CPSF3: variants seen among roughly 807,000 people sequenced by gnomAD.
CPSF3 encodes cleavage and polyadenylation specific factor 3, also known as cleavage and polyadenylation specificity factor subunit 3.
A neutral mutation model predicts 84.1 loss-of-function variants in CPSF3; 57 were observed. The ratio of observed to expected loss-of-function variants is 0.68; its 90% CI spans 0.55 to 0.85. CPSF3 has a LOEUF of 0.85. Ranked by LOEUF, CPSF3 falls within the 40% of genes least tolerant of loss-of-function variation. CPSF3 has a pLI of 0.00. For missense variants in CPSF3, 522 were observed against 838.8 expected (o/e 0.62, Z 4.66); for synonymous variants, 275 against 278.1 (o/e 0.99, Z 0.11).
intron 9 of CPSF3, among the ~76,000 whole-genome samples, chr2:9,442,260 C>CA (rs1680978692): frequency 6.6e-6 from 1 of 152,052 alleles, no homozygotes; most frequent in Non-Finnish European, 1.5e-5. Flanking sequence ...TTGAGACAAA[C>CA]ACGTGAATAC....
At chr2:9,459,639 T>C (rs909713110) in intron 15 of CPSF3, 21 bp downstream of exon 15, 15 of 104,862 alleles carry the variant, frequency 1.4e-4, no homozygotes, top group Non-Finnish European at 2.2e-4. Context: ...ATTTTTATCC[T>C]TTTTTTTTTT....
intron 14 of CPSF3, among the ~76,000 whole-genome samples, chr2:9,458,660 G>GCC (rs1047177919): frequency 1.3e-5 from 2 of 151,888 alleles, no homozygotes; most frequent in African/African-American, 4.8e-5. Context: ...GCAAGACCCT[G>GCC]CCTCTATAAT....
intron 12 of CPSF3, among the ~76,000 whole-genome samples, chr2:9,453,748 G>C (rs1186598908): frequency 6.6e-6 from 1 of 152,092 alleles, no homozygotes; most frequent in Non-Finnish European, 1.5e-5. Context: ...AAAATTAGCT[G>C]TATGTGGTGG....
Position 9,459,637 on chromosome 2 carries a change from CCTT to C in CPSF3, c.1786+20_1786+22del. The C allele has an allele frequency of 4.3e-6, 2 of 464,320 alleles. No homozygotes were observed. The highest frequency in any genetic ancestry group is 6.7e-6 in the Non-Finnish European group (2 of 297,122). 28.8% of individuals were successfully genotyped at this position (464,320 alleles called of 1,614,324 possible). A position where few individuals can be genotyped will look rare whatever the true frequency, so the allele number is the denominator to read the frequency against. On this transcript the variant is annotated intron_variant, in intron 15 of 17. Transcript: ENST00000238112. ...AGAAAAGGTAAGAGTTCATTTTTAT[CCTT>C]TTTTTTTTTTTTTTTTTTTTTTTTT...
rs1241610470 is a variant in CPSF3 at position 9,443,658 on chromosome 2, T to G, written c.1239T>G (p.His413Gln). The change falls in exon 10 of 18, where the codon CAT becomes CAG. Residue 413 changes from histidine to glutamine, a missense_variant. By Grantham distance (24) the His-to-Gln change is conservative (BLOSUM62 0). Around this residue, in one of 2 missense-constraint regions of CPSF3, gnomAD observed 329 missense variants for 607.2 expected, o/e 0.54. Transcript: ENST00000238112. ...TTATTCGTGCTTTGAAACCGCCTCA[T>G]GTGGTTAGTCTATGAATTTCATTTA... is the stretch of plus-strand genomic sequence containing the variant. Reference protein sequence around the residue: ...SEFIRALKPPHVILVHGEQNE... With the variant: ...SEFIRALKPPQVILVHGEQNE... 6.2e-7 allele frequency: 1 copy of G among 1,613,780 alleles called. No homozygotes were observed. The highest frequency in any genetic ancestry group is 8.5e-7 in the Non-Finnish European group (1 of 1,179,926).
Position 9,423,679 on chromosome 2 carries a change from G to A in CPSF3, c.-95G>A. The A allele has an allele frequency of 6.7e-7, 1 of 1,495,216 alleles. No individual in the cohort carries two copies. Among genetic ancestry groups the A allele is most frequent in the Non-Finnish European group, 9.1e-7 (1 of 1,098,392 alleles). 92.6% of individuals were successfully genotyped at this position (1,495,216 alleles called of 1,614,324 possible). ...GGAAGTTGTGCTCTTGGTGAATGGG[G>A]TTCTTCCTTTTTTATTTACCGGTGG... is the stretch of plus-strand genomic sequence containing the variant. On this transcript the variant is annotated 5_prime_UTR_variant, in exon 1 of 18. Transcript: ENST00000238112.
intron 16 of CPSF3, among the ~76,000 whole-genome samples, chr2:9,469,655 C>T (rs1190888455): frequency 6.6e-6 from 1 of 152,100 alleles, no homozygotes; most frequent in African/African-American, 2.4e-5. Flanking sequence ...CCCTCTCCCT[C>T]ACCTCCCACA....
intron 17 of CPSF3, among the ~76,000 whole-genome samples, chr2:9,472,503 A>G (rs1051420219): frequency 8.5e-5 from 13 of 152,200 alleles, no homozygotes; most frequent in African/African-American, 3.1e-4. Context: ...GTAGTTTACT[A>G]GACTTTCCCC....
chr2:9,433,733 C>G, intron 5 of CPSF3, 138 bp from the exon 6 acceptor site: 1 of 629,726 alleles, frequency 1.6e-6, no homozygotes, highest in Non-Finnish European at 2.9e-6. Context: ...GAATTGGACA[C>G]AAGCACTGCA....
intron 13 of CPSF3, 79 bp from the exon 14 acceptor site, chr2:9,456,854 T>C (rs1314821416): frequency 1.2e-6 from 1 of 802,032 alleles, no homozygotes; most frequent in Admixed American, 2.9e-5. Flanking sequence ...TTATTTTAGC[T>C]GTCTCTATAA....
chr2:9,432,503 A>G lies in CPSF3; in HGVS notation c.342-8A>G, dbSNP rs771765862. 10 of 1,455,314 alleles carry G rather than the reference A, an allele frequency of 6.9e-6. No individual in the cohort carries two copies. The allele number at this position is 1,455,314 out of a possible 1,614,324, so 90.2% of individuals were successfully genotyped here. On this transcript the variant is annotated splice_region_variant and splice_polypyrimidine_tract_variant and intron_variant, in intron 4 of 17. Transcript: ENST00000238112. ...TAATTGTTTTTGCTGGCATCTTTCA[A>G]AATTTAGTAACATATCAGCAGACGA...
At position 9,452,973 on chromosome 2, in the gene CPSF3, G is replaced by C. The variant is rs1235060905; in HGVS notation, c.1456G>C (p.Val486Leu). 6.2e-7 allele frequency: 1 copy of C among 1,612,166 alleles called. No homozygotes were observed. Among genetic ancestry groups the C allele is most frequent in the South Asian group, 1.1e-5 (1 of 90,396 alleles). ...AGGCCAGCGGGTCTCAGGAATACTT[G>C]TTAAAAGAAACTTTAATTATCACAT... Reference protein sequence around the residue: ...EQGQRVSGILVKRNFNYHILS... With the variant: ...EQGQRVSGILLKRNFNYHILS... The change falls in exon 12 of 18, where the codon GTT becomes CTT. Residue 486 changes from valine to leucine, a missense_variant. Coordinates refer to ENST00000238112, the MANE Select transcript of CPSF3 (RefSeq NM_016207.4).
At chr2:9,460,725 G>A (rs1456747470) in intron 15 of CPSF3, among the ~76,000 whole-genome samples, 1 of 140,360 alleles carries the variant, frequency 7.1e-6, no homozygotes, top group Admixed American at 7.5e-5. Context: ...TGCCCAGGCT[G>A]CTCTCAAATG....
intron 8 of CPSF3, 114 bp downstream of exon 8, chr2:9,440,780 C>T (rs950673881): frequency 2.0e-6 from 2 of 1,022,584 alleles, no homozygotes; most frequent in East Asian, 5.1e-5. Context: ...CTTTGGGAGT[C>T]TAAGGCAGGA....
chr2:9,432,617 A>G lies in CPSF3; in HGVS notation c.448A>G (p.Lys150Glu). Residue 150 changes from lysine (K) to glutamate (E), a missense_variant, in exon 5 of 18, where the codon AAG becomes GAG. Around this residue, in one of 2 missense-constraint regions of CPSF3, gnomAD observed 329 missense variants for 607.2 expected, o/e 0.54. Transcript: ENST00000238112. ...TGAAGTTAAGGAAGTTGCGGGAATC[A>G]AGTTTTGGTGTTACCATGCAGGTCA... is the stretch of plus-strand genomic sequence containing the variant. ...FHEVKEVAGI[K>E]FWCYHAGHVL... 6.3e-7 allele frequency: 1 copy of G among 1,591,660 alleles called. No individual in the cohort carries two copies. Among genetic ancestry groups the G allele is most frequent in the South Asian group, 1.1e-5 (1 of 88,330 alleles).
At chr2:9,441,208 A>C (rs1193981544) in intron 8 of CPSF3, among the ~76,000 whole-genome samples, 1 of 152,224 alleles carries the variant, frequency 6.6e-6, no homozygotes, top group African/African-American at 2.4e-5. Context: ...CATTCAATAA[A>C]ATCTGATTTT....
At chr2:9,438,787 AT>A (rs1680872491) in intron 7 of CPSF3, among the ~76,000 whole-genome samples, 2 of 152,120 alleles carry the variant, frequency 1.3e-5, no homozygotes, top group Non-Finnish European at 2.9e-5. Context: ...AGTATTTGAT[AT>A]TTTTATCTGG....
intron 7 of CPSF3, among the ~76,000 whole-genome samples, chr2:9,438,304 G>A (rs1680855255): frequency 6.6e-6 from 1 of 152,136 alleles, no homozygotes. Context: ...TTCGTCCTTA[G>A]AAGTCTTGAA....
intron 1 of CPSF3, 102 bp downstream of exon 1, chr2:9,423,925 G>T: frequency 3.3e-6 from 5 of 1,525,318 alleles, no homozygotes; most frequent in Non-Finnish European, 4.4e-6. Flanking sequence ...CACCTACCCC[G>T]GCAGCCTGCC....
Sources: allele counts gnomAD v4.1 joint callset (sites outside exome capture counted in the v4.1 genomes callset), GRCh38; gene constraint gnomAD v4.1.1; regional missense constraint gnomAD v4.1.1; transcripts MANE v1.5; gene names NCBI Gene and HGNC (gene_info 2026-07-23, HGNC 2026-07-21).